Variants in MORC1 observed in about 807,000 individuals in gnomAD.
MORC1 encodes MORC family CW-type zinc finger 1.
A neutral mutation model predicts 134.9 loss-of-function variants in MORC1; 59 were observed. The observed-to-expected ratio is 0.44, with a 90% CI of 0.35 to 0.54. MORC1 has a LOEUF of 0.54. MORC1 is among the 20% of genes least tolerant of loss of function. The probability of loss-of-function intolerance (pLI) is 0.00; values close to 1 mark genes in which losing one functional copy is unlikely to be tolerated. For synonymous variants in MORC1, 395 were observed against 391.7 expected (o/e 1.01, Z -0.10); for missense variants, 947 against 1,134.5 (o/e 0.83, Z 2.37).
chr3:108,973,698 G>C (rs1015550244), intron 24 of MORC1, among the ~76,000 whole-genome samples: 1 of 146,542 alleles, frequency 6.8e-6, no homozygotes, highest in Admixed American at 6.9e-5. Flanking sequence ...CTGGGCTCAA[G>C]TAATCCTCCC....
At position 108,963,697 on chromosome 3, in the gene MORC1, C is replaced by T. The variant is rs538663805; in HGVS notation, c.2605-89G>A. On this transcript the variant is annotated intron_variant, in intron 26 of 27. Coordinates refer to ENST00000232603, the MANE Select transcript of MORC1 (RefSeq NM_014429.4). ...TAGACAATTTCATATTCCAACTCTG[C>T]CTACATGTACCAAGTGTCAACTTCG... 4.5e-6 allele frequency: 4 copies of T among 885,022 alleles called. No homozygotes were observed. In the East Asian group the frequency reaches 8.1e-5, roughly 18 times the overall value. The allele number at this position is 885,022 out of a possible 1,614,324, so 54.8% of individuals were successfully genotyped here.
chr3:109,089,689 G>T (rs989174056), intron 8 of MORC1, among the ~76,000 whole-genome samples: 1 of 152,108 alleles, frequency 6.6e-6, no homozygotes, highest in Non-Finnish European at 1.5e-5. Flanking sequence ...TGGGTCCAGA[G>T]TTCCAAAAAA....
chr3:109,043,521 C>T (rs1361557752), intron 14 of MORC1, among the ~76,000 whole-genome samples: 1 of 151,708 alleles, frequency 6.6e-6, no homozygotes, highest in Non-Finnish European at 1.5e-5. Context: ...ATGTCCTTAA[C>T]ATTACTCAAC....
intron 24 of MORC1, among the ~76,000 whole-genome samples, chr3:108,974,111 T>A (rs1947481920): frequency 6.6e-6 from 1 of 152,006 alleles, no homozygotes; most frequent in South Asian, 2.1e-4. Context: ...CTGGACTCCC[T>A]GGTATTGAGC....
chr3:109,083,247 AC>A (rs1290792308), intron 8 of MORC1, among the ~76,000 whole-genome samples: 1 of 151,800 alleles, frequency 6.6e-6, no homozygotes, highest in Non-Finnish European at 1.5e-5. Flanking sequence ...TCACCACCAG[AC>A]CCATCTTACA....
At chr3:109,018,474 C>T (rs6783279) in intron 17 of MORC1, among the ~76,000 whole-genome samples, 4,747 of 151,768 alleles carry the variant, frequency 0.031, 234 homozygotes, top group African/African-American at 0.11. Flanking sequence ...CTCATCTTCC[C>T]CTACCCCCAG....
chr3:109,034,358 TAGTTAC>T (rs1182306183), intron 15 of MORC1, among the ~76,000 whole-genome samples: 1 of 152,224 alleles, frequency 6.6e-6, no homozygotes, highest in Non-Finnish European at 1.5e-5. Flanking sequence ...ACTGAGCTGT[TAGTTAC>T]AGATATTAGA....
At chr3:109,099,491 T>C (rs1378962042) in intron 5 of MORC1, 25 bp from the exon 6 acceptor site, 4 of 1,537,052 alleles carry the variant, frequency 2.6e-6, no homozygotes, top group East Asian at 2.3e-5. Context: ...AAGAACATCA[T>C]GTTTTACACC....
At chr3:109,087,135 C>T (rs1375119396) in intron 8 of MORC1, among the ~76,000 whole-genome samples, 1 of 151,130 alleles carries the variant, frequency 6.6e-6, no homozygotes, top group Non-Finnish European at 1.5e-5. Context: ...CCATCCTCTG[C>T]CCCCCAAATT....
intron 24 of MORC1, among the ~76,000 whole-genome samples, chr3:108,978,643 G>A (rs77177564): frequency 1.0e-3 from 159 of 152,282 alleles, no homozygotes; most frequent in African/African-American, 3.7e-3. Context: ...CTATGTACGT[G>A]TTCTCCTCCA....
intron 14 of MORC1, among the ~76,000 whole-genome samples, chr3:109,048,948 C>T (rs537015312): frequency 1.7e-4 from 26 of 151,970 alleles, no homozygotes; most frequent in Admixed American, 7.9e-4. Context: ...GCCTATAACA[C>T]CATAATAAAT....
At chr3:109,078,506 T>C (rs912299553) in intron 8 of MORC1, among the ~76,000 whole-genome samples, 6 of 151,934 alleles carry the variant, frequency 3.9e-5, no homozygotes, top group Non-Finnish European at 7.4e-5. Context: ...TAAACAACAG[T>C]AAGAGTTCTA....
chr3:108,992,952 C>A (rs1576606659), intron 21 of MORC1, among the ~76,000 whole-genome samples: 2 of 152,284 alleles, frequency 1.3e-5, no homozygotes, highest in South Asian at 4.1e-4. Context: ...TTTTATAATG[C>A]AAATAATTAT....
chr3:109,024,278 A>G (rs1949024657), intron 17 of MORC1, among the ~76,000 whole-genome samples: 1 of 152,216 alleles, frequency 6.6e-6, no homozygotes, highest in African/African-American at 2.4e-5. Flanking sequence ...TTCACCATTT[A>G]AAGTTACGTG....
At chr3:108,959,730 G>A (rs938522822) in intron 27 of MORC1, among the ~76,000 whole-genome samples, 5 of 152,136 alleles carry the variant, frequency 3.3e-5, no homozygotes, top group African/African-American at 9.7e-5. Context: ...AAAAAACTAC[G>A]TAGGCATGGA....
rs79975961 is a variant in MORC1, at chr3:109,053,302, C to T, written c.1330+1426G>A. Among the ~76,000 whole-genome samples the T allele has an allele frequency of 7.4e-3, 1,119 of 152,050 alleles. 9 individuals are homozygous for T. The highest frequency in any genetic ancestry group is 0.016 in the African/African-American group (661 of 41,446). ...CTCAAAGGAAACTCAGTTGTTCTAC[C>T]GAAAGGACACATGCACCCACATGTA... is the stretch of plus-strand genomic sequence containing the variant. On this transcript the variant is annotated intron_variant, in intron 14 of 27. Transcript: ENST00000232603.
chr3:108,982,595 GGGGA>G (rs1947763844), intron 23 of MORC1, among the ~76,000 whole-genome samples: 1 of 150,728 alleles, frequency 6.6e-6, no homozygotes, highest in Admixed American at 6.6e-5. Context: ...GGGGGGGCAG[GGGGA>G]GGGATAGCAT....
intron 14 of MORC1, among the ~76,000 whole-genome samples, chr3:109,039,638 A>G (rs1042204464): frequency 6.6e-6 from 1 of 152,208 alleles, no homozygotes; most frequent in Non-Finnish European, 1.5e-5. Context: ...AGCCAGTAGT[A>G]GCTACCCATC....
At chr3:108,973,840 C>T (rs905657517) in intron 24 of MORC1, among the ~76,000 whole-genome samples, 5 of 152,054 alleles carry the variant, frequency 3.3e-5, no homozygotes, top group Non-Finnish European at 5.9e-5. Flanking sequence ...AAGTGATCCA[C>T]CCACCTTGGC....
Sources: gnomAD v4.1 joint callset for allele counts (sites outside exome capture counted in the v4.1 genomes callset) on GRCh38, gnomAD v4.1.1 for gene constraint, MANE v1.5 for transcripts, NCBI Gene and HGNC (gene_info 2026-07-23, HGNC 2026-07-21) for gene names.